Variants in UGGT1 observed in about 807,000 individuals in gnomAD.
The protein encoded by UGGT1 is UDP-glucose:glycoprotein glucosyltransferase 1.
A neutral mutation model predicts 203.9 loss-of-function variants in UGGT1; 107 were observed. The observed-to-expected ratio is 0.52, with a 90% CI of 0.45 to 0.62. The LOEUF (loss-of-function observed/expected upper bound fraction) is 0.62. UGGT1 is among the 20% of genes least tolerant of loss of function. UGGT1 has a pLI of 0.00. For missense variants in UGGT1, 1,673 were observed against 1,867.2 expected, an observed-to-expected ratio of 0.90 and a Z score of 1.92; for synonymous variants, 628 against 653.5, an observed-to-expected ratio of 0.96 and a Z score of 0.59.
intron 14 of UGGT1, among the ~76,000 whole-genome samples, 165 bp from the exon 15 acceptor site, chr2:128,134,711 G>T (rs1689048610): frequency 6.6e-6 from 1 of 152,172 alleles, no homozygotes; most frequent in Non-Finnish European, 1.5e-5. Flanking sequence ...CAGGTTTTTT[G>T]AACATAGAGG....
intron 31 of UGGT1, among the ~76,000 whole-genome samples, chr2:128,175,604 A>G (rs1691330410): frequency 6.6e-6 from 1 of 152,268 alleles, no homozygotes; most frequent in African/African-American, 2.4e-5. Context: ...TACCCAGGAA[A>G]TAGAAGAATT....
At chr2:128,157,851 T>C (rs1255538310) in intron 22 of UGGT1, among the ~76,000 whole-genome samples, 1 of 152,176 alleles carries the variant, frequency 6.6e-6, no homozygotes, top group African/African-American at 2.4e-5. Flanking sequence ...TGGCAGGTGG[T>C]TGGGAAGCAG....
chr2:128,099,786 G>C (rs1687281918), intron 2 of UGGT1, among the ~76,000 whole-genome samples: 1 of 152,094 alleles, frequency 6.6e-6, no homozygotes, highest in South Asian at 2.1e-4. Flanking sequence ...AACTTTATTT[G>C]ATACAGCATA....
rs142557489 is a variant in UGGT1 at position 128,094,143 on chromosome 2, C to T, written c.58+2728C>T. Among the ~76,000 whole-genome samples, 908 of 152,248 alleles carry T rather than the reference C, an allele frequency of 6.0e-3. 19 individuals are homozygous for T. The highest frequency in any genetic ancestry group is 0.048 in the Admixed American group (730 of 15,296). ...GAATCACCACTTTCTGGGGTGTACA[C>T]ATCTAGACCCCTTCAGGACAAATTG... On this transcript the variant is annotated intron_variant, in intron 1 of 40. Transcript: ENST00000259253.
Position 128,123,167 on chromosome 2 carries a change from AATGTTTTT to A in UGGT1, c.1074-16_1074-9del. Reference sequence around the variant, plus strand: ...ATCAAATATTAAGCCAAGCACTCATAATGTTTTTATTTCCTTAGAGCAATAACAAAAAC... The same window carrying A: ...ATCAAATATTAAGCCAAGCACTCATAATTTCCTTAGAGCAATAACAAAAAC... On this transcript the variant is annotated splice_polypyrimidine_tract_variant and intron_variant, in intron 10 of 40. Coordinates refer to ENST00000259253, the MANE Select transcript of UGGT1 (RefSeq NM_020120.4). 1 of 1,604,072 alleles carries A rather than the reference AATGTTTTT, an allele frequency of 6.2e-7. No individual in the cohort carries two copies. Among genetic ancestry groups the A allele is most frequent in the Non-Finnish European group, 8.5e-7 (1 of 1,173,884 alleles).
intron 3 of UGGT1, among the ~76,000 whole-genome samples, chr2:128,104,424 T>C (rs1687512570): frequency 6.6e-6 from 1 of 152,240 alleles, no homozygotes; most frequent in Non-Finnish European, 1.5e-5. Context: ...CCAGAGTGTT[T>C]TCCATTATGC....
Position 128,171,254 on chromosome 2 carries a change from A to G in UGGT1, c.3074A>G (p.Gln1025Arg), listed in dbSNP as rs1177793948. The G allele has an allele frequency of 6.2e-7, 1 of 1,613,684 alleles. No individual in the cohort carries two copies. Among genetic ancestry groups the G allele is most frequent in the Non-Finnish European group, 8.5e-7 (1 of 1,179,878 alleles). Residue 1025 changes from glutamine to arginine, a missense_variant, in exon 28 of 41, where the codon CAA becomes CGA. Coordinates refer to ENST00000259253, the MANE Select transcript of UGGT1 (RefSeq NM_020120.4). The part of the protein sequence containing the change: ...NMNLRVFMNC[Q>R]SKLSDMPLKS... ...AATCTGAGAGTATTTATGAACTGCC[A>G]ATCCAAACTTTCTGACATGCCTTTA... is the stretch of plus-strand genomic sequence containing the variant.
intron 18 of UGGT1, among the ~76,000 whole-genome samples, chr2:128,146,703 C>T (rs1383833055): frequency 6.6e-6 from 1 of 152,106 alleles, no homozygotes; most frequent in Non-Finnish European, 1.5e-5. Context: ...TATCATCACC[C>T]CCAAAAGAAA....
Position 128,091,679 on chromosome 2 carries a change from T to G in UGGT1, c.58+264T>G. ...AAGAGCTTTAGATCCTTGTGCCAAG[T>G]GCAGAAGGAAATGGGGGAGGTATCC... On this transcript the variant is annotated intron_variant, in intron 1 of 40. Coordinates refer to ENST00000259253, the MANE Select transcript of UGGT1 (RefSeq NM_020120.4). The G allele has an allele frequency of 3.6e-6, 4 of 1,100,382 alleles. No homozygotes were observed. In the South Asian group the frequency reaches 8.4e-5, roughly 23 times the overall value. The allele number at this position is 1,100,382 out of a possible 1,614,324, so 68.2% of individuals were successfully genotyped here.
At chr2:128,177,190 T>C (rs1405538107) in intron 32 of UGGT1, among the ~76,000 whole-genome samples, 1 of 152,090 alleles carries the variant, frequency 6.6e-6, no homozygotes, top group Non-Finnish European at 1.5e-5. Flanking sequence ...GATTCTTTTC[T>C]CAATATTGGG....
Position 128,172,570 on chromosome 2 carries a change from C to T in UGGT1, c.3105-3C>T. 2 of 1,613,820 alleles carry T rather than the reference C, an allele frequency of 1.2e-6. No individual in the cohort carries two copies. Among genetic ancestry groups the T allele is most frequent in the Non-Finnish European group, 1.7e-6 (2 of 1,179,938 alleles). On this transcript the variant is annotated splice_polypyrimidine_tract_variant and splice_region_variant and intron_variant, in intron 28 of 40. Coordinates refer to ENST00000259253, the MANE Select transcript of UGGT1 (RefSeq NM_020120.4). ...TATCTAACACTTTCCTTTTCAATTT[C>T]AGCTTTTACCGTTATGTCTTAGAAC...
intron 18 of UGGT1, among the ~76,000 whole-genome samples, chr2:128,149,205 C>G (rs1439769125): frequency 2.0e-5 from 3 of 151,920 alleles, no homozygotes; most frequent in African/African-American, 7.2e-5. Context: ...CCACATGCAG[C>G]TAATTTTTGT....
intron 24 of UGGT1, among the ~76,000 whole-genome samples, chr2:128,160,803 C>T (rs1040262364): frequency 3.9e-5 from 6 of 152,272 alleles, no homozygotes; most frequent in African/African-American, 9.6e-5. Flanking sequence ...TTCCTGCTGT[C>T]GGTGAGAGTG....
chr2:128,146,034 A>T, intron 18 of UGGT1, 67 bp downstream of exon 18: 1 of 1,566,604 alleles, frequency 6.4e-7, no homozygotes, highest in Non-Finnish European at 8.7e-7. Context: ...TTGCCTCTAT[A>T]GTAGGCAGTA....
chr2:128,137,463 G>C (rs1000110854), intron 15 of UGGT1, among the ~76,000 whole-genome samples: 1 of 152,230 alleles, frequency 6.6e-6, no homozygotes, highest in African/African-American at 2.4e-5. Flanking sequence ...TCCTTTATCA[G>C]ATGGTTGTTT....
chr2:128,123,210 C>A lies in UGGT1; in HGVS notation c.1098C>A (p.Ser366Arg). ...GAGCAATAACAAAAACAGCTGTGAG[C>A]TCAGAACTTAGAACCGAAGTGGAAG... Reference protein sequence around the residue: ...KARAITKTAVSSELRTEVEEN... With the variant: ...KARAITKTAVRSELRTEVEEN... Residue 366 changes from serine (S) to arginine (R), a missense_variant, in exon 11 of 41, where the codon AGC becomes AGA. By Grantham distance (110) the Ser-to-Arg change is moderately radical (BLOSUM62 -1). This residue lies in a region of UGGT1 where 1,073 missense variants were observed against 1,078.7 expected (regional missense o/e 0.99). Transcript: ENST00000259253. The A allele has an allele frequency of 6.2e-7, 1 of 1,613,504 alleles. No individual in the cohort carries two copies. Among genetic ancestry groups the A allele is most frequent in the Non-Finnish European group, 8.5e-7 (1 of 1,179,694 alleles).
At chr2:128,094,660 C>A (rs531048658) in intron 1 of UGGT1, among the ~76,000 whole-genome samples, 1 of 150,696 alleles carries the variant, frequency 6.6e-6, no homozygotes, top group South Asian at 2.1e-4. Flanking sequence ...TCTATTGTGT[C>A]CTGTAGAGCA....
chr2:128,157,061 C>T (rs908396717), intron 21 of UGGT1, among the ~76,000 whole-genome samples, 191 bp from the exon 22 acceptor site: 2 of 152,204 alleles, frequency 1.3e-5, no homozygotes, highest in Admixed American at 6.5e-5. Context: ...TGTAACTAAA[C>T]TCTGTGGAAG....
At chr2:128,158,539 T>C (rs1435076417) in intron 22 of UGGT1, among the ~76,000 whole-genome samples, 1 of 152,238 alleles carries the variant, frequency 6.6e-6, no homozygotes, top group Non-Finnish European at 1.5e-5. Flanking sequence ...CAAGTAGGGG[T>C]ATAGAGTCCT....
Sources: allele counts gnomAD v4.1 joint callset (sites outside exome capture counted in the v4.1 genomes callset), GRCh38; gene constraint gnomAD v4.1.1; regional missense constraint gnomAD v4.1.1; transcripts MANE v1.5; gene names NCBI Gene and HGNC (gene_info 2026-07-23, HGNC 2026-07-21).